The following CIB1 variants were observed in gnomAD, a reference collection of about 807,000 sequenced individuals.
CIB1 encodes calcium and integrin-binding protein 1.
Under a neutral mutation model 25.0 loss-of-function variants are expected in CIB1, and 19 were observed. The observed-to-expected ratio is 0.76, with a 90% CI of 0.53 to 1.12. The LOEUF is 1.12. Ranked by LOEUF, CIB1 falls within the 50% of genes most tolerant of loss-of-function variation. The pLI is 0.00. For synonymous variants in CIB1, 104 were observed against 98.5 expected (o/e 1.06, Z -0.33); for missense variants, 236 against 242.6 (o/e 0.97, Z 0.18).
chr15:90,264,741 T>C, the CIB1 span: 1 of 1,536,084 alleles, frequency 6.5e-7, no homozygotes, highest in Admixed American at 2.0e-5. Flanking sequence ...AGCAGAAGGC[T>C]AGAAGCCATA....
chr15:90,262,331 C>G, the CIB1 span: 1 of 1,155,896 alleles, frequency 8.7e-7, no homozygotes, highest in Non-Finnish European at 1.2e-6. Flanking sequence ...CTTAGTGACT[C>G]TTTTCAGTTT....
chr15:90,234,868 T>G (rs1289416578), upstream of CIB1, among the ~76,000 whole-genome samples: 1 of 152,184 alleles, frequency 6.6e-6, no homozygotes, highest in Non-Finnish European at 1.5e-5. Flanking sequence ...GCATAATAAA[T>G]GAATGAACGT....
the CIB1 span, among the ~76,000 whole-genome samples, chr15:90,248,718 C>CAAAAAAAAAAA: frequency 6.1e-4 from 17 of 27,790 alleles, 2 homozygotes; most frequent in Admixed American, 1.2e-3. Flanking sequence ...GACCCTGTCT[C>CAAAAAAAAAAA]AAAAAAAAAA....
Position 90,230,935 on chromosome 15 carries a change from T to C in CIB1, c.553A>G (p.Ser185Gly). 3.7e-6 allele frequency: 6 copies of C among 1,613,630 alleles called. No individual in the cohort carries two copies. Among genetic ancestry groups the C allele is most frequent in the Non-Finnish European group, 5.1e-6 (6 of 1,179,622 alleles). ...AATGAAGGGGGACCACTGTCATACCTGGCAAAGTCTGGAGAACGGGAGATG... is the reference window on the plus strand; with the variant it reads ...AATGAAGGGGGACCACTGTCATACCCGGCAAAGTCTGGAGAACGGGAGATG... ...HVISRSPDFA[S>G]SFKIVL The change falls in exon 6 of 7, where the codon AGC becomes GGC. Residue 185 changes from serine (S) to glycine (G), a missense_variant and splice_region_variant. Transcript: ENST00000328649.
chr15:90,259,873 A>T, the CIB1 span, among the ~76,000 whole-genome samples: 3,260 of 152,362 alleles, frequency 0.021, 105 homozygotes, highest in African/African-American at 0.071. Flanking sequence ...CTAAAATTGT[A>T]ATTTGTTAAT....
the CIB1 span, chr15:90,258,313 C>T: frequency 6.4e-7 from 1 of 1,555,814 alleles, no homozygotes; most frequent in Non-Finnish European, 8.9e-7. Flanking sequence ...GGTCCAGAGG[C>T]CTCCTTGAAT....
the CIB1 span, chr15:90,262,888 G>A: frequency 1.4e-6 from 2 of 1,434,278 alleles, no homozygotes; most frequent in South Asian, 1.4e-5. Context: ...GAGTGGGCAG[G>A]AGGCCTGTAG....
chr15:90,239,513 T>C, the CIB1 span, among the ~76,000 whole-genome samples: 3,685 of 152,170 alleles, frequency 0.024, 141 homozygotes, highest in African/African-American at 0.08. Flanking sequence ...AGCAGGGAGA[T>C]GTGCAGAGCA....
rs1567067987 is a variant in CIB1, at chr15:90,230,477, G to A, written c.*7C>T. 6.4e-7 allele frequency: 1 copy of A among 1,551,698 alleles called. No individual in the cohort carries two copies. The highest frequency in any genetic ancestry group is 1.7e-4 in the Middle Eastern group (1 of 5,928). ...ACAGGGTGCCAGGACACACGCTGGG[G>A]CTGCTGTCACAGGACAATCTTAAAG... On this transcript the variant is annotated 3_prime_UTR_variant, in exon 7 of 7. Coordinates refer to ENST00000328649, the MANE Select transcript of CIB1 (RefSeq NM_006384.4).
the CIB1 span, chr15:90,253,400 G>C: frequency 2.6e-6 from 4 of 1,544,844 alleles, no homozygotes; most frequent in African/African-American, 5.4e-5. Flanking sequence ...GCCGACAGGG[G>C]CTAGGGCCCC....
chr15:90,255,603 T>C, the CIB1 span: 2 of 1,096,600 alleles, frequency 1.8e-6, no homozygotes, highest in Non-Finnish European at 2.7e-6. Flanking sequence ...GGAACCTTCC[T>C]ATGTTTGCCC....
chr15:90,246,787 CAAAAAAAAAAAAAAAAAAAAAAAAAAA>C, the CIB1 span, among the ~76,000 whole-genome samples: 8 of 45,248 alleles, frequency 1.8e-4, 1 homozygote, highest in Admixed American at 3.0e-4. Context: ...GACTCTGTCT[CAAAAAAAAAAAAAAAAAAAAAAAAAAA>C]AAAAAAAAAA....
the CIB1 span, chr15:90,256,329 C>G: frequency 1.9e-6 from 3 of 1,613,584 alleles, no homozygotes; most frequent in Admixed American, 5.0e-5. Context: ...TCAGCCTTCC[C>G]TAGTCCCCAG....
the CIB1 span, among the ~76,000 whole-genome samples, chr15:90,247,737 G>C: frequency 2.2e-5 from 3 of 138,486 alleles, no homozygotes; most frequent in African/African-American, 7.8e-5. Flanking sequence ...AGATTTTTTT[G>C]TTTGCTTTTT....
upstream of CIB1, among the ~76,000 whole-genome samples, chr15:90,235,327 A>G (rs1217159092): frequency 6.6e-6 from 1 of 152,116 alleles, no homozygotes; most frequent in East Asian, 1.9e-4. Context: ...GCACTTTGGG[A>G]GGCTGAAGCA....
chr15:90,235,291 C>T (rs771796780), upstream of CIB1, among the ~76,000 whole-genome samples: 1 of 152,156 alleles, frequency 6.6e-6, no homozygotes, highest in Non-Finnish European at 1.5e-5. Context: ...CAAGGCCAGG[C>T]GCGGTGGCTC....
chr15:90,253,456 C>T, the CIB1 span: 8 of 834,168 alleles, frequency 9.6e-6, no homozygotes, highest in Non-Finnish European at 1.5e-5. Flanking sequence ...AAGACTGCTA[C>T]TCTTTGTGGC....
chr15:90,243,154 G>A, the CIB1 span: 2 of 152,184 alleles, frequency 1.3e-5, no homozygotes, highest in Non-Finnish European at 1.5e-5. Context: ...TGCCACTTCT[G>A]TTCTCAGCCT....
At chr15:90,234,068 C>G (rs908351419), upstream of CIB1, 4 of 635,594 alleles carry the variant, frequency 6.3e-6, no homozygotes, top group South Asian at 7.2e-5. Flanking sequence ...GGCGAGCTGC[C>G]GGCTCCAAGC....
Sources: gnomAD v4.1 joint callset for allele counts (sites outside exome capture counted in the v4.1 genomes callset) on GRCh38, gnomAD v4.1.1 for gene constraint, MANE v1.5 for transcripts, NCBI Gene and HGNC (gene_info 2026-07-23, HGNC 2026-07-21) for gene names.